DIP2C: variants seen among roughly 807,000 people sequenced by gnomAD.
DIP2C encodes the protein DIP2 acetate--CoA ligase C (putative).
In DIP2C, 33 loss-of-function variants were observed where a neutral mutation model predicts 192.4. That is an observed-to-expected ratio of 0.17 (90% confidence interval 0.13 to 0.23). The LOEUF (loss-of-function observed/expected upper bound fraction) is 0.23, where lower values mean the gene tolerates loss of function less well. Ranked by LOEUF, DIP2C falls within the 10% of genes least tolerant of loss-of-function variation. The probability of loss-of-function intolerance (pLI) is 1.00; values close to 1 mark genes in which losing one functional copy is unlikely to be tolerated. For synonymous variants in DIP2C, 979 were observed against 864.1 expected (o/e 1.13, Z -2.33); for missense variants, 1,537 against 2,110.1 (o/e 0.73, Z 5.32).
intron 33 of DIP2C, 57 bp downstream of exon 33, chr10:288,307 C>A: frequency 6.7e-7 from 1 of 1,502,072 alleles, no homozygotes; most frequent in Non-Finnish European, 9.1e-7. Flanking sequence ...ATTTCAAAGC[C>A]CATACAGTCA....
At chr10:452,385 G>A (rs746953899) in intron 3 of DIP2C, among the ~76,000 whole-genome samples, 38 of 151,956 alleles carry the variant, frequency 2.5e-4, no homozygotes, top group Non-Finnish European at 4.3e-4. Context: ...ATCAAAACAC[G>A]GCAAACACGT....
At chr10:525,258 A>G (rs1846982435) in intron 1 of DIP2C, among the ~76,000 whole-genome samples, 1 of 152,256 alleles carries the variant, frequency 6.6e-6, no homozygotes, top group Non-Finnish European at 1.5e-5. Flanking sequence ...ACCGAGATAG[A>G]ATTTGACTTC....
chr10:406,093 GTTTAT>G (rs1427742721), intron 9 of DIP2C, among the ~76,000 whole-genome samples: 1 of 152,186 alleles, frequency 6.6e-6, no homozygotes, highest in Non-Finnish European at 1.5e-5. Context: ...GAACACAGGA[GTTTAT>G]TTTGTGATTA....
At chr10:477,828 G>GGA (rs1843197021) in intron 2 of DIP2C, among the ~76,000 whole-genome samples, 1 of 132,322 alleles carries the variant, frequency 7.6e-6, no homozygotes, top group Non-Finnish European at 1.6e-5. Flanking sequence ...CAAGAGAGAA[G>GGA]GAGAAGGGAG....
intron 3 of DIP2C, among the ~76,000 whole-genome samples, chr10:467,741 G>C (rs1430413008): frequency 6.6e-6 from 1 of 151,892 alleles, no homozygotes; most frequent in African/African-American, 2.4e-5. Flanking sequence ...CTCATAAATG[G>C]GAGTTGAACA....
chr10:593,646 C>T lies in DIP2C; in HGVS notation c.85+95848G>A, dbSNP rs187319017. On this transcript the variant is annotated intron_variant, in intron 1 of 36. Coordinates refer to ENST00000280886, the MANE Select transcript of DIP2C (RefSeq NM_014974.3). ...GGAGACGGCACATATCCTAGCTGTG[C>T]CTGGGATGTCACGGGCGGGGTCCCC... Among the ~76,000 whole-genome samples the T allele has an allele frequency of 1.0e-3, 153 of 152,178 alleles. 4 individuals are homozygous for T. The East Asian group carries it at 0.019, about 19-fold the overall frequency.
At chr10:538,756 CA>C (rs1016296668) in intron 1 of DIP2C, among the ~76,000 whole-genome samples, 1 of 152,154 alleles carries the variant, frequency 6.6e-6, no homozygotes, top group Admixed American at 6.5e-5. Flanking sequence ...TTCTTTTTAA[CA>C]AAAGATAACT....
rs1954433759 is a variant in DIP2C, at chr10:274,921, T to C, written c.*2404A>G. ...AATTTTGAATACAGAATGACCCTTCTTTATTGCTGAAACTGGTGGTACTAA... is the reference window on the plus strand; with the variant it reads ...AATTTTGAATACAGAATGACCCTTCCTTATTGCTGAAACTGGTGGTACTAA... On this transcript the variant is annotated 3_prime_UTR_variant, in exon 37 of 37. Coordinates refer to ENST00000280886, the MANE Select transcript of DIP2C (RefSeq NM_014974.3). 6.6e-6 allele frequency: 1 copy of C among 152,242 alleles called. No homozygotes were observed. Among genetic ancestry groups the C allele is most frequent in the Non-Finnish European group, 1.5e-5 (1 of 68,044 alleles). 9.4% of individuals were successfully genotyped at this position (152,242 alleles called of 1,614,324 possible). A position where few individuals can be genotyped will look rare whatever the true frequency, so the allele number is the denominator to read the frequency against.
intron 14 of DIP2C, 47 bp downstream of exon 14, chr10:387,698 T>TG (rs777977608): frequency 2.9e-5 from 40 of 1,359,866 alleles, no homozygotes; most frequent in Admixed American, 4.1e-5. Flanking sequence ...CAGGGCAGGG[T>TG]GGGGGACTCC....
intron 31 of DIP2C, among the ~76,000 whole-genome samples, chr10:318,112 G>A (rs1473418932): frequency 6.6e-6 from 1 of 152,194 alleles, no homozygotes; most frequent in Admixed American, 6.5e-5. Context: ...ATGCGTAAGG[G>A]CAGGACGAGA....
chr10:683,824 T>TA (rs1032173638), intron 1 of DIP2C, among the ~76,000 whole-genome samples: 30 of 152,086 alleles, frequency 2.0e-4, no homozygotes, highest in South Asian at 1.9e-3. Flanking sequence ...AATCACTGAT[T>TA]AAAAAAAATC....
At chr10:681,430 A>G (rs1317276372) in intron 1 of DIP2C, among the ~76,000 whole-genome samples, 3 of 150,660 alleles carry the variant, frequency 2.0e-5, no homozygotes, top group Non-Finnish European at 4.4e-5. Context: ...CCTCAGTCAC[A>G]TGGTGCAGCC....
chr10:445,537 G>A (rs892049769), intron 3 of DIP2C, among the ~76,000 whole-genome samples: 25 of 151,426 alleles, frequency 1.7e-4, no homozygotes, highest in Admixed American at 5.3e-4. Context: ...CATCTGTTGC[G>A]AAGAGTCTCA....
Position 300,950 on chromosome 10 carries a change from T to A in DIP2C, c.3986+9081A>T, listed in dbSNP as rs1430490388. Reference sequence around the variant, plus strand: ...TCTTTTTATTAAATCATAAAAGACATCTTTTATTAAACAGAAAAATAAGCT... The same window carrying A: ...TCTTTTTATTAAATCATAAAAGACAACTTTTATTAAACAGAAAAATAAGCT... On this transcript the variant is annotated intron_variant, in intron 32 of 36. Coordinates refer to ENST00000280886, the MANE Select transcript of DIP2C (RefSeq NM_014974.3). 3.9e-5 allele frequency among the ~76,000 whole-genome samples: 6 copies of A among 152,218 alleles called. No homozygotes were observed. In the East Asian group the frequency reaches 1.2e-3, roughly 29 times the overall value.
At chr10:632,504 C>T (rs1588641904) in intron 1 of DIP2C, among the ~76,000 whole-genome samples, 2 of 40,136 alleles carry the variant, frequency 5.0e-5, no homozygotes, top group South Asian at 1.4e-3. Context: ...CGGTGTGAAC[C>T]CAGACTCCAC....
rs1419351735 is a variant in DIP2C at position 369,536 on chromosome 10, A to C, written c.2089T>G (p.Ser697Ala). The C allele has an allele frequency of 6.3e-7, 1 of 1,582,102 alleles. No homozygotes were observed. Among genetic ancestry groups the C allele is most frequent in the African/African-American group, 1.3e-5 (1 of 74,514 alleles). Residue 697 changes from serine (S) to alanine (A), a missense_variant, in exon 18 of 37, where the codon TCC becomes GCC. By Grantham distance (99) the Ser-to-Ala change is moderately conservative. This residue lies in a region of DIP2C where 677 missense variants were observed against 989.9 expected (regional missense o/e 0.68). Coordinates refer to ENST00000280886, the MANE Select transcript of DIP2C (RefSeq NM_014974.3). ...CCGACATCCTGCACGGTGAGCACGG[A>C]CAGCTTCTCTTCCGAGTCCACACGA... ...VIRVDSEEKLSVLTVQDVGLV... is the reference protein window; with the variant it reads ...VIRVDSEEKLAVLTVQDVGLV...
chr10:290,523 G>A (rs569247438), intron 32 of DIP2C, among the ~76,000 whole-genome samples: 1 of 152,362 alleles, frequency 6.6e-6, no homozygotes, highest in African/African-American at 2.4e-5. Context: ...GGCCATGCCA[G>A]GACAATGATG....
At chr10:584,640 G>A (rs1280687990) in intron 1 of DIP2C, among the ~76,000 whole-genome samples, 4 of 88,026 alleles carry the variant, frequency 4.5e-5, no homozygotes, top group Non-Finnish European at 6.3e-5. Flanking sequence ...CCACTCACGC[G>A]CATCACCTCT....
At chr10:324,329 G>A (rs2132422766) in intron 31 of DIP2C, among the ~76,000 whole-genome samples, 1 of 152,158 alleles carries the variant, frequency 6.6e-6, no homozygotes, top group South Asian at 2.1e-4. Context: ...ACTGGCACAT[G>A]TGATACTGAG....
Sources: gnomAD v4.1 joint callset for allele counts (sites outside exome capture counted in the v4.1 genomes callset) on GRCh38, gnomAD v4.1.1 for gene constraint, gnomAD v4.1.1 regional missense constraint, MANE v1.5 for transcripts, NCBI Gene and HGNC (gene_info 2026-07-23, HGNC 2026-07-21) for gene names.